PKNOX2: variants seen among roughly 807,000 people sequenced by gnomAD.
PKNOX2 encodes PBX/knotted 1 homeobox 2.
In PKNOX2, 14 loss-of-function variants were observed where a neutral mutation model predicts 53.1. The ratio of observed to expected loss-of-function variants is 0.26; its 90% confidence interval spans 0.17 to 0.41. The LOEUF (loss-of-function observed/expected upper bound fraction) is 0.41. PKNOX2 is among the 10% of genes least tolerant of loss of function. The pLI is 1.00. For missense variants in PKNOX2, 496 were observed against 602.8 expected, an observed-to-expected ratio of 0.82 and a Z score of 1.85; for synonymous variants, 257 against 242.8, an observed-to-expected ratio of 1.06 and a Z score of -0.54.
chr11:125,356,583 C>T (rs1951630369), intron 4 of PKNOX2, among the ~76,000 whole-genome samples: 3 of 152,230 alleles, frequency 2.0e-5, no homozygotes, highest in Non-Finnish European at 4.4e-5. Context: ...GACTCCAGGA[C>T]ATGGCACTCA....
At chr11:125,301,291 C>T (rs1948045960) in intron 2 of PKNOX2, among the ~76,000 whole-genome samples, 1 of 152,102 alleles carries the variant, frequency 6.6e-6, no homozygotes, top group African/African-American at 2.4e-5. Context: ...TGTTCGAGAT[C>T]CTCCAGCCCA....
chr11:125,164,958 GGA>G (rs1004894084), intron 1 of PKNOX2, among the ~76,000 whole-genome samples, 182 bp downstream of exon 1: 2 of 151,680 alleles, frequency 1.3e-5, no homozygotes. Flanking sequence ...GCAGCAGGGA[GGA>G]GAGAGAGGGA....
At chr11:125,194,174 A>G (rs1957043642) in intron 1 of PKNOX2, among the ~76,000 whole-genome samples, 1 of 152,182 alleles carries the variant, frequency 6.6e-6, no homozygotes, top group South Asian at 2.1e-4. Flanking sequence ...GCGGTTGCGT[A>G]GCACAGGGCA....
intron 1 of PKNOX2, among the ~76,000 whole-genome samples, chr11:125,198,047 T>C (rs565038243): frequency 6.6e-6 from 1 of 152,298 alleles, no homozygotes; most frequent in African/African-American, 2.4e-5. Context: ...CTTTGGTGGA[T>C]AGAAGCTTGA....
Position 125,195,324 on chromosome 11 carries a change from A to T in PKNOX2, c.-201+30548A>T, listed in dbSNP as rs370743314. On this transcript the variant is annotated intron_variant, in intron 1 of 12. Transcript: ENST00000298282. The stretch of plus-strand genomic sequence containing the variant: ...TTATCCTCTTGCTTACTCGTTCAAG[A>T]CACGTGCTTTTCCTACCCTCAGTTC... Among the ~76,000 whole-genome samples, 14 of 152,286 alleles carry T rather than the reference A, an allele frequency of 9.2e-5. No homozygotes were observed. The East Asian group carries it at 1.9e-3, about 21-fold the overall frequency.
At chr11:125,261,927 T>G (rs1461595165) in intron 2 of PKNOX2, among the ~76,000 whole-genome samples, 2 of 152,246 alleles carry the variant, frequency 1.3e-5, no homozygotes, top group Non-Finnish European at 2.9e-5. Flanking sequence ...AACTGTTCCC[T>G]GAGTCCCTTG....
chr11:125,344,052 G>C (rs1042224378), intron 3 of PKNOX2, among the ~76,000 whole-genome samples: 6 of 152,260 alleles, frequency 3.9e-5, no homozygotes, highest in African/African-American at 9.6e-5. Context: ...GATGGACCCA[G>C]TGCTGGGGCC....
chr11:125,288,845 G>C (rs1259302218), intron 2 of PKNOX2, among the ~76,000 whole-genome samples: 1 of 152,222 alleles, frequency 6.6e-6, no homozygotes, highest in Non-Finnish European at 1.5e-5. Context: ...CTGCATTTTA[G>C]TGAGATCCGC....
rs1938814336 is a variant in PKNOX2, at chr11:125,204,342, G to A, written c.-200-30703G>A. 2.0e-5 allele frequency among the ~76,000 whole-genome samples: 3 copies of A among 152,210 alleles called. No individual in the cohort carries two copies. In the South Asian group the frequency reaches 6.2e-4, roughly 32 times the overall value. The stretch of plus-strand genomic sequence containing the variant: ...CAGCTGGGCACCGTGTTAAGATGCA[G>A]ATTCTGATTCAGCAGGTCTGTGTGG... On this transcript the variant is annotated intron_variant, in intron 1 of 12. Transcript: ENST00000298282.
intron 2 of PKNOX2, among the ~76,000 whole-genome samples, chr11:125,295,803 G>A (rs543025137): frequency 6.6e-6 from 1 of 152,116 alleles, no homozygotes; most frequent in Non-Finnish European, 1.5e-5. Context: ...TATCGTTTCG[G>A]CATCTGCTGG....
At chr11:125,290,141 C>T (rs1360151118) in intron 2 of PKNOX2, among the ~76,000 whole-genome samples, 1 of 152,160 alleles carries the variant, frequency 6.6e-6, no homozygotes, top group East Asian at 1.9e-4. Flanking sequence ...CTGATGTGAG[C>T]TGGACTGGGT....
At chr11:125,368,118 C>T in intron 5 of PKNOX2, 133 bp downstream of exon 5, 1 of 1,121,718 alleles carries the variant, frequency 8.9e-7, no homozygotes, top group Non-Finnish European at 1.2e-6. Flanking sequence ...CCTTGGCCTC[C>T]TTCCCTCTCT....
intron 2 of PKNOX2, among the ~76,000 whole-genome samples, chr11:125,245,034 G>A (rs781294640): frequency 1.3e-5 from 2 of 152,134 alleles, no homozygotes; most frequent in Admixed American, 6.5e-5. Flanking sequence ...GTTCACTGTT[G>A]CTGTTTTATA....
chr11:125,311,004 G>T (rs1948768878), intron 2 of PKNOX2, among the ~76,000 whole-genome samples: 1 of 152,044 alleles, frequency 6.6e-6, no homozygotes, highest in Admixed American at 6.6e-5. Context: ...TAAGAGAACA[G>T]GGAGAGAATG....
intron 1 of PKNOX2, among the ~76,000 whole-genome samples, chr11:125,177,066 G>T (rs186540145): frequency 3.2e-4 from 48 of 152,340 alleles, no homozygotes; most frequent in African/African-American, 1.1e-3. Context: ...CAGCTGTGAC[G>T]GGGGTAGAAA....
rs973410715 is a variant in PKNOX2 at position 125,325,522 on chromosome 11, G to A, written c.-129-6297G>A. Among the ~76,000 whole-genome samples the A allele has an allele frequency of 2.6e-5, 4 of 152,172 alleles. No homozygotes were observed. The East Asian group carries it at 5.8e-4, about 22-fold the overall frequency. On this transcript the variant is annotated intron_variant, in intron 2 of 12. Transcript: ENST00000298282. ...TCATGAGAGAAAATCTAACAGAGCC[G>A]AGTCTCAGAGGATGAGAAAGATTCT...
chr11:125,178,645 A>AGAAGGAAGGAAG lies in PKNOX2; in HGVS notation c.-201+13885_-201+13896dup, dbSNP rs1555108397. On this transcript the variant is annotated intron_variant, in intron 1 of 12. Coordinates refer to ENST00000298282, the MANE Select transcript of PKNOX2 (RefSeq NM_001382323.2). ...AAGAAAGAAAGAAAGAAAGAAAGAA[A>AGAAGGAAGGAAG]GAAGGAAGGAAGGAAGGAAGGAAGG... is the stretch of plus-strand genomic sequence containing the variant. Among the ~76,000 whole-genome samples the AGAAGGAAGGAAG allele has an allele frequency of 1.0e-2, 284 of 28,504 alleles. 5 individuals are homozygous for AGAAGGAAGGAAG. Among genetic ancestry groups the AGAAGGAAGGAAG allele is most frequent in the Middle Eastern group, 0.023 (1 of 44 alleles). 18.7% of individuals were successfully genotyped at this position (28,504 alleles called of 152,430 possible).
At chr11:125,179,565 G>A (rs914114037) in intron 1 of PKNOX2, among the ~76,000 whole-genome samples, 10 of 152,204 alleles carry the variant, frequency 6.6e-5, no homozygotes, top group Non-Finnish European at 1.2e-4. Context: ...AGGCAGCTGG[G>A]GTGCTGGGGC....
At chr11:125,224,688 G>T (rs1941532248) in intron 1 of PKNOX2, among the ~76,000 whole-genome samples, 1 of 152,214 alleles carries the variant, frequency 6.6e-6, no homozygotes, top group Non-Finnish European at 1.5e-5. Context: ...TCCAGGTGGG[G>T]ACACCAGCCG....
Sources: allele counts gnomAD v4.1 joint callset (sites outside exome capture counted in the v4.1 genomes callset), GRCh38; gene constraint gnomAD v4.1.1; transcripts MANE v1.5; gene names NCBI Gene and HGNC (gene_info 2026-07-23, HGNC 2026-07-21).